The following TTC28 variants were observed in gnomAD, a reference collection of about 807,000 sequenced individuals.
TTC28 encodes the protein tetratricopeptide repeat domain 28, also known as tetratricopeptide repeat protein 28.
A neutral mutation model predicts 198.0 loss-of-function variants in TTC28; 61 were observed. The ratio of observed to expected loss-of-function variants is 0.31; its 90% CI spans 0.25 to 0.38. The LOEUF is 0.38. Among genes scored for constraint, TTC28 ranks in the 10% least tolerant of loss-of-function variants. TTC28 has a pLI of 1.00. For synonymous variants in TTC28, 1,171 were observed against 1,297.8 expected, an observed-to-expected ratio of 0.90 and a Z score of 2.10; for missense variants, 2,678 against 3,164.0, an observed-to-expected ratio of 0.85 and a Z score of 3.69.
intron 12 of TTC28, among the ~76,000 whole-genome samples, chr22:28,072,782 G>T (rs1352473569): frequency 2.6e-5 from 4 of 152,194 alleles, no homozygotes; most frequent in African/African-American, 7.2e-5. Context: ...AGGTAGCAGG[G>T]GGAAGCCGGC....
intron 6 of TTC28, among the ~76,000 whole-genome samples, chr22:28,113,487 G>C (rs1165225902): frequency 6.6e-6 from 1 of 152,194 alleles, no homozygotes. Context: ...TCCAGTGAGA[G>C]GAAGTGAGTT....
At position 28,084,139 on chromosome 22, in the gene TTC28, G is replaced by A. The variant is rs953438943; in HGVS notation, c.3932+9941C>T. On this transcript the variant is annotated intron_variant, in intron 12 of 22. Coordinates refer to ENST00000397906, the MANE Select transcript of TTC28 (RefSeq NM_001145418.2). ...CAACCTCTGCAGTCTTAAATGTCCC[G>A]GTCTGACAGCTCTGAAGAGAGTAGT... Among the ~76,000 whole-genome samples, 13 of 152,284 alleles carry A rather than the reference G, an allele frequency of 8.5e-5. 1 individual carries two copies. The highest frequency in any genetic ancestry group is 4.1e-4 in the South Asian group (2 of 4,826).
intron 5 of TTC28, among the ~76,000 whole-genome samples, chr22:28,281,070 T>C (rs933330036): frequency 6.6e-6 from 1 of 152,190 alleles, no homozygotes; most frequent in Non-Finnish European, 1.5e-5. Context: ...ATTTAGGTGT[T>C]GTTCTCTTTG....
intron 6 of TTC28, among the ~76,000 whole-genome samples, chr22:28,125,117 C>T (rs1434493567): frequency 6.6e-6 from 1 of 152,190 alleles, no homozygotes; most frequent in African/African-American, 2.4e-5. Flanking sequence ...TTTATCATTA[C>T]CGTATTACTT....
At chr22:28,653,541 T>C (rs1306858717) in intron 1 of TTC28, among the ~76,000 whole-genome samples, 1 of 151,854 alleles carries the variant, frequency 6.6e-6, no homozygotes, top group Non-Finnish European at 1.5e-5. Context: ...AAATCCTCTC[T>C]TCCAGGAGTT....
At chr22:28,542,639 A>G (rs2049440816) in intron 2 of TTC28, among the ~76,000 whole-genome samples, 1 of 152,150 alleles carries the variant, frequency 6.6e-6, no homozygotes, top group African/African-American at 2.4e-5. Flanking sequence ...AAGAGCTTTC[A>G]GGTTAATCCT....
chr22:28,359,428 G>C (rs932052245), intron 2 of TTC28, among the ~76,000 whole-genome samples: 1 of 152,166 alleles, frequency 6.6e-6, no homozygotes, highest in Non-Finnish European at 1.5e-5. Flanking sequence ...AAGGAAAACA[G>C]CTACCCAACT....
At chr22:28,352,312 C>CATATATATATATATATATATATATAT (rs35793503) in intron 2 of TTC28, among the ~76,000 whole-genome samples, 19 of 142,764 alleles carry the variant, frequency 1.3e-4, no homozygotes, top group African/African-American at 5.1e-4. Flanking sequence ...GAGATATATA[C>CATATATATATATATATATATATATAT]ATATATATAT....
intron 2 of TTC28, among the ~76,000 whole-genome samples, chr22:28,504,999 T>A (rs763666207): frequency 1.3e-5 from 2 of 152,060 alleles, no homozygotes; most frequent in Non-Finnish European, 2.9e-5. Flanking sequence ...CTCACGCTTG[T>A]AATCCCAAGC....
At chr22:28,024,866 T>TGG (rs1483537105) in intron 13 of TTC28, among the ~76,000 whole-genome samples, 3 of 152,186 alleles carry the variant, frequency 2.0e-5, no homozygotes, top group Non-Finnish European at 4.4e-5. Context: ...TATGGGTGGA[T>TGG]GGCAGCCATG....
chr22:28,273,122 T>C lies in TTC28; in HGVS notation c.933+23076A>G, dbSNP rs1038892622. Among the ~76,000 whole-genome samples, 6 of 152,144 alleles carry C rather than the reference T, an allele frequency of 3.9e-5. No homozygotes were observed. The East Asian group carries it at 9.6e-4, about 24-fold the overall frequency. On this transcript the variant is annotated intron_variant, in intron 5 of 22. Coordinates refer to ENST00000397906, the MANE Select transcript of TTC28 (RefSeq NM_001145418.2). ...TTAAATGAAACCCAGCTCTGAAATATCTAATTCTTAACTGGATTAAGATGA... is the reference window on the plus strand; with the variant it reads ...TTAAATGAAACCCAGCTCTGAAATACCTAATTCTTAACTGGATTAAGATGA...
chr22:28,066,304 G>GTGTGTT (rs71803180), intron 12 of TTC28, among the ~76,000 whole-genome samples: 214 of 147,192 alleles, frequency 1.5e-3, no homozygotes, highest in South Asian at 0.013. Flanking sequence ...GTGTGTGTGT[G>GTGTGTT]GTGTGTGTGT....
chr22:28,085,206 T>C (rs1309552055), intron 12 of TTC28, among the ~76,000 whole-genome samples: 1 of 151,624 alleles, frequency 6.6e-6, no homozygotes. Context: ...AGACACATCA[T>C]TGTCAGATTC....
intron 21 of TTC28, among the ~76,000 whole-genome samples, chr22:27,987,467 C>CA (rs1937250899): frequency 6.6e-6 from 1 of 152,214 alleles, no homozygotes; most frequent in Non-Finnish European, 1.5e-5. Context: ...TGCGGTGGCT[C>CA]ACGCCTATAA....
chr22:28,182,185 A>G (rs893374762), intron 5 of TTC28, among the ~76,000 whole-genome samples: 1 of 152,182 alleles, frequency 6.6e-6, no homozygotes, highest in Non-Finnish European at 1.5e-5. Context: ...CTAGCTTCAT[A>G]AGCATTTTCA....
intron 13 of TTC28, among the ~76,000 whole-genome samples, chr22:28,018,286 T>TGCGC (rs1159883410): frequency 1.0e-5 from 1 of 97,312 alleles, no homozygotes; most frequent in Non-Finnish European, 1.9e-5. Flanking sequence ...TGTATGTGTG[T>TGCGC]GCGCGCGTGT....
chr22:28,127,141 T>C (rs984158096), intron 6 of TTC28, among the ~76,000 whole-genome samples: 1 of 152,236 alleles, frequency 6.6e-6, no homozygotes, highest in Non-Finnish European at 1.5e-5. Context: ...TAAAAATATT[T>C]GGTACAGACA....
chr22:28,231,027 C>T (rs1027569312), intron 5 of TTC28, among the ~76,000 whole-genome samples: 1 of 152,000 alleles, frequency 6.6e-6, no homozygotes, highest in Non-Finnish European at 1.5e-5. Context: ...CCAAGTTATC[C>T]CCAAGTACTT....
chr22:28,656,774 G>A (rs924570824), intron 1 of TTC28, among the ~76,000 whole-genome samples: 1 of 152,144 alleles, frequency 6.6e-6, no homozygotes, highest in Non-Finnish European at 1.5e-5. Context: ...GGCGTGGAGA[G>A]AGGGGGGAAG....
Sources: gnomAD v4.1 joint callset for allele counts (sites outside exome capture counted in the v4.1 genomes callset) on GRCh38, gnomAD v4.1.1 for gene constraint, MANE v1.5 for transcripts, NCBI Gene and HGNC (gene_info 2026-07-23, HGNC 2026-07-21) for gene names.